The following RBFOX1 variants were observed in gnomAD, a reference collection of about 807,000 sequenced individuals.
The protein encoded by RBFOX1 is RNA binding fox-1 homolog 1.
RBFOX1 carries 8 observed loss-of-function variants against 57.7 expected under a neutral mutation model. The observed-to-expected ratio is 0.14, with a 90% CI of 0.08 to 0.25. RBFOX1 has a LOEUF of 0.25. Ranked by LOEUF, RBFOX1 falls within the 10% of genes least tolerant of loss-of-function variation. RBFOX1 has a pLI of 1.00. For missense variants in RBFOX1, 611 were observed against 548.5 expected (o/e 1.11, Z -1.14); for synonymous variants, 326 against 222.4 (o/e 1.47, Z -4.15).
chr16:7,465,496 C>G (rs1484821451), intron 4 of RBFOX1, among the ~76,000 whole-genome samples: 1 of 152,238 alleles, frequency 6.6e-6, no homozygotes, highest in Non-Finnish European at 1.5e-5. Context: ...TGTGCATGGC[C>G]TAGCACATAT....
In RBFOX1 at chr16:7,330,525, T is replaced by TAG. The variant is rs138727480; in HGVS notation, c.28-187600_28-187599dup. ...GTGTGTGTGTTTGTGTGTGTGTGTG[T>TAG]AGAGAGAGAGAGAGAGAGAGAGAAA... On this transcript the variant is annotated intron_variant, in intron 4 of 15. Coordinates refer to ENST00000550418, the MANE Select transcript of RBFOX1 (RefSeq NM_018723.4). Among the ~76,000 whole-genome samples, 1,075 of 132,870 alleles carry TAG rather than the reference T, an allele frequency of 8.1e-3. 11 individuals are homozygous for TAG. The highest frequency in any genetic ancestry group is 0.013 in the East Asian group (63 of 4,804). The allele number at this position is 132,870 out of a possible 152,430, so 87.2% of individuals were successfully genotyped here.
At chr16:5,966,380 A>C (rs2059843645) in intron 4 of RBFOX1, among the ~76,000 whole-genome samples, 1 of 152,234 alleles carries the variant, frequency 6.6e-6, no homozygotes, top group Admixed American at 6.5e-5. Context: ...TCATGGCAGA[A>C]GGCAACATGA....
intron 1 of RBFOX1, among the ~76,000 whole-genome samples, chr16:6,288,768 C>T (rs149273897): frequency 2.2e-4 from 34 of 152,222 alleles, no homozygotes; most frequent in South Asian, 1.2e-3. Context: ...CACCTGAATA[C>T]GCCTGTATGC....
intron 1 of RBFOX1, among the ~76,000 whole-genome samples, chr16:6,283,903 C>T (rs2152704974): frequency 6.6e-6 from 1 of 152,286 alleles, no homozygotes; most frequent in Middle Eastern, 3.4e-3. Flanking sequence ...GACTTTGTTT[C>T]TGAAGCTGTT....
exon 3 of RBFOX1, chr16:5,599,423 C>G (rs1003255514): frequency 3.5e-6 from 2 of 567,728 alleles, no homozygotes; most frequent in East Asian, 2.9e-5. Context: ...GGTACATAAC[C>G]TGGGATGATG....
At chr16:7,597,191 G>A in intron 8 of RBFOX1, 180 bp from the exon 9 acceptor site, 6 of 506,658 alleles carry the variant, frequency 1.2e-5, no homozygotes, top group Non-Finnish European at 2.1e-5. Context: ...CGGTTATGAA[G>A]TAAATGTAAT....
At chr16:6,752,001 A>C (rs2075016363) in intron 3 of RBFOX1, among the ~76,000 whole-genome samples, 1 of 152,146 alleles carries the variant, frequency 6.6e-6, no homozygotes, top group Admixed American at 6.6e-5. Flanking sequence ...ATAGGATCCC[A>C]GTTGGAATAG....
At chr16:5,666,879 C>T (rs2049861487) in intron 3 of RBFOX1, among the ~76,000 whole-genome samples, 1 of 152,190 alleles carries the variant, frequency 6.6e-6, no homozygotes, top group African/African-American at 2.4e-5. Context: ...TACCACTGCT[C>T]AGTTTGCATG....
chr16:6,769,842 C>T, intron 3 of RBFOX1, among the ~76,000 whole-genome samples: 1 of 152,190 alleles, frequency 6.6e-6, no homozygotes, highest in East Asian at 1.9e-4. Flanking sequence ...CTGAGGACAA[C>T]TCACCACGAG....
At chr16:7,480,617 C>A (rs2063703961) in intron 4 of RBFOX1, among the ~76,000 whole-genome samples, 1 of 152,136 alleles carries the variant, frequency 6.6e-6, no homozygotes, top group Non-Finnish European at 1.5e-5. Context: ...CTGCGGATTC[C>A]CTCTTGCCTG....
chr16:5,924,677 T>G (rs1031526297), intron 4 of RBFOX1, among the ~76,000 whole-genome samples: 1 of 152,214 alleles, frequency 6.6e-6, no homozygotes, highest in Non-Finnish European at 1.5e-5. Flanking sequence ...AAACTTCTTT[T>G]CATTCTAAAT....
At chr16:7,365,384 C>G (rs938219949) in intron 4 of RBFOX1, among the ~76,000 whole-genome samples, 1 of 152,150 alleles carries the variant, frequency 6.6e-6, no homozygotes, top group African/African-American at 2.4e-5. Context: ...TCCACCAAAC[C>G]ATAGCCATAG....
At chr16:5,282,838 T>C (rs2063304795) in intron 1 of RBFOX1, among the ~76,000 whole-genome samples, 1 of 152,094 alleles carries the variant, frequency 6.6e-6, no homozygotes, top group African/African-American at 2.4e-5. Context: ...TCAAGAAAAA[T>C]TCGATCTGGC....
At chr16:5,833,713 G>T (rs2151832142) in intron 3 of RBFOX1, among the ~76,000 whole-genome samples, 1 of 152,154 alleles carries the variant, frequency 6.6e-6, no homozygotes, top group Middle Eastern at 3.4e-3. Flanking sequence ...TCTCATGTTG[G>T]CACATCTCTC....
chr16:6,438,312 T>C (rs1232102697), intron 2 of RBFOX1, among the ~76,000 whole-genome samples: 4 of 152,198 alleles, frequency 2.6e-5, no homozygotes, highest in African/African-American at 9.7e-5. Flanking sequence ...GTTGTTTCTA[T>C]GTTAAAGATG....
intron 4 of RBFOX1, among the ~76,000 whole-genome samples, chr16:7,080,473 C>G (rs991301715): frequency 6.6e-6 from 1 of 152,146 alleles, no homozygotes; most frequent in African/African-American, 2.4e-5. Flanking sequence ...AACAGAGCCT[C>G]ATTCCTTAGG....
intron 2 of RBFOX1, among the ~76,000 whole-genome samples, chr16:6,535,826 T>C (rs2096727511): frequency 6.6e-6 from 1 of 152,196 alleles, no homozygotes. Flanking sequence ...AAGCTCAGTT[T>C]CTCCCTCTCT....
chr16:6,311,067 C>A (rs531508467), intron 1 of RBFOX1, among the ~76,000 whole-genome samples: 2 of 151,820 alleles, frequency 1.3e-5, no homozygotes, highest in Non-Finnish European at 2.9e-5. Flanking sequence ...GAGGCCAAGG[C>A]GGGCAAATCA....
At chr16:7,558,778 C>T (rs1365131379) in intron 5 of RBFOX1, among the ~76,000 whole-genome samples, 1 of 152,186 alleles carries the variant, frequency 6.6e-6, no homozygotes, top group Non-Finnish European at 1.5e-5. Flanking sequence ...GCTTCTGGTG[C>T]ACACTCAAAG....
Sources: gnomAD v4.1 joint callset for allele counts (sites outside exome capture counted in the v4.1 genomes callset) on GRCh38, gnomAD v4.1.1 for gene constraint, MANE v1.5 for transcripts, NCBI Gene and HGNC (gene_info 2026-07-23, HGNC 2026-07-21) for gene names.